The following SNX7 variants were observed in gnomAD, a reference collection of about 807,000 sequenced individuals.
SNX7 encodes sorting nexin 7.
SNX7 carries 35 observed loss-of-function variants against 48.4 expected under a neutral mutation model. The ratio of observed to expected loss-of-function variants is 0.72; its 90% confidence interval spans 0.55 to 0.96. The LOEUF (loss-of-function observed/expected upper bound fraction) is 0.96. Among genes scored for constraint, SNX7 ranks in the 40% least tolerant of loss-of-function variants. The pLI, the probability that SNX7 is intolerant of heterozygous loss-of-function variation, is 0.00. For missense variants in SNX7, 553 were observed against 548.9 expected, an observed-to-expected ratio of 1.01 and a Z score of -0.07; for synonymous variants, 190 against 190.2, an observed-to-expected ratio of 1.00 and a Z score of 0.01.
upstream of SNX7, chr1:98,661,567 C>G (rs568445436): frequency 2.1e-4 from 122 of 581,584 alleles, 4 homozygotes; most frequent in South Asian, 8.6e-3. Flanking sequence ...GGGATGCGCC[C>G]GGCCCGGGCC....
chr1:98,685,513 A>G (rs1650744615), intron 2 of SNX7, among the ~76,000 whole-genome samples: 1 of 152,136 alleles, frequency 6.6e-6, no homozygotes, highest in Non-Finnish European at 1.5e-5. Flanking sequence ...TGTATGAGAT[A>G]CTGTTATGTG....
At chr1:98,744,711 C>A (rs12732234) in intron 8 of SNX7, among the ~76,000 whole-genome samples, 40,676 of 151,770 alleles carry the variant, frequency 0.27, 5,757 homozygotes, top group Middle Eastern at 0.32. Context: ...TACAAATAAA[C>A]GTTAACTAAA....
In SNX7 at chr1:98,759,426, G is replaced by A. The variant is rs150825471; in HGVS notation, c.1279-628G>A. Reference sequence around the variant, plus strand: ...ACATTTATGTTTATGTGTTCCCAGCGCCTTCAGACCCTTACAATCCTGTTT... The same window carrying A: ...ACATTTATGTTTATGTGTTCCCAGCACCTTCAGACCCTTACAATCCTGTTT... On this transcript the variant is annotated intron_variant, in intron 8 of 8. Coordinates refer to ENST00000306121, the MANE Select transcript of SNX7 (RefSeq NM_015976.5). Among the ~76,000 whole-genome samples the A allele has an allele frequency of 7.5e-3, 1,137 of 152,054 alleles. 10 individuals are homozygous for A. The highest frequency in any genetic ancestry group is 0.02 in the Middle Eastern group (6 of 294).
chr1:98,732,038 G>A (rs1271455996), intron 7 of SNX7, among the ~76,000 whole-genome samples: 1 of 152,042 alleles, frequency 6.6e-6, no homozygotes, highest in Non-Finnish European at 1.5e-5. Context: ...TTAAGATGGG[G>A]TTACCGTTTC....
At position 98,708,038 on chromosome 1, in the gene SNX7, TG is replaced by T. The variant is rs1324632041; in HGVS notation, c.1125+6136del. On this transcript the variant is annotated intron_variant, in intron 7 of 8. Coordinates refer to ENST00000306121, the MANE Select transcript of SNX7 (RefSeq NM_015976.5). ...ATTTTGACATAGCAAGCCTTGCTTG[TG>T]ATCAGAGGTGAAGGTTGCTTCTTCC... Among the ~76,000 whole-genome samples, 4 of 152,298 alleles carry T rather than the reference TG, an allele frequency of 2.6e-5. No individual in the cohort carries two copies. In the East Asian group the frequency reaches 7.7e-4, roughly 29 times the overall value.
intron 1 of SNX7, among the ~76,000 whole-genome samples, chr1:98,671,889 TAA>T (rs1029258163): frequency 2.0e-4 from 31 of 152,320 alleles, no homozygotes; most frequent in African/African-American, 6.3e-4. Flanking sequence ...TATTTTTAGA[TAA>T]GTTTTTAAGA....
chr1:98,717,253 G>T (rs761584685), intron 7 of SNX7, among the ~76,000 whole-genome samples: 2 of 152,132 alleles, frequency 1.3e-5, no homozygotes, highest in Admixed American at 6.6e-5. Flanking sequence ...AATGTTCTGT[G>T]TGTATTGTTT....
intron 1 of SNX7, chr1:98,662,901 C>T: frequency 1.7e-6 from 2 of 1,188,788 alleles, no homozygotes; most frequent in South Asian, 1.3e-5. Flanking sequence ...ACTCTGACTC[C>T]AAAGAGGAGT....
intron 7 of SNX7, among the ~76,000 whole-genome samples, chr1:98,722,073 A>G (rs1652905418): frequency 6.6e-6 from 1 of 152,064 alleles, no homozygotes; most frequent in Non-Finnish European, 1.5e-5. Context: ...ACAAAAAATT[A>G]TAATCATGAT....
At chr1:98,721,734 C>G (rs774539340) in intron 7 of SNX7, among the ~76,000 whole-genome samples, 49 of 151,860 alleles carry the variant, frequency 3.2e-4, no homozygotes, top group Non-Finnish European at 5.2e-4. Context: ...TGATTTTTGG[C>G]TTTGAAATAA....
At chr1:98,732,173 A>G (rs769454024) in intron 7 of SNX7, among the ~76,000 whole-genome samples, 7 of 152,144 alleles carry the variant, frequency 4.6e-5, no homozygotes, top group East Asian at 3.9e-4. Context: ...AATATTTTCA[A>G]CTAACAGTGG....
rs528175069 is a variant in SNX7, at chr1:98,704,929, T to C, written c.1125+3026T>C. 2.6e-5 allele frequency among the ~76,000 whole-genome samples: 4 copies of C among 152,324 alleles called. No homozygotes were observed. The South Asian group carries it at 6.2e-4, about 24-fold the overall frequency. The stretch of plus-strand genomic sequence containing the variant: ...TTATTGGGTAGAAAGACAGCAGTTA[T>C]GTAACATTCCAGAGGACATTTGACT... On this transcript the variant is annotated intron_variant, in intron 7 of 8. Coordinates refer to ENST00000306121, the MANE Select transcript of SNX7 (RefSeq NM_015976.5).
At chr1:98,755,766 A>G (rs1654811534) in intron 8 of SNX7, among the ~76,000 whole-genome samples, 1 of 151,858 alleles carries the variant, frequency 6.6e-6, no homozygotes, top group Non-Finnish European at 1.5e-5. Flanking sequence ...GCCTGCCCAT[A>G]TATATATTTT....
chr1:98,730,646 G>C (rs532304590), intron 7 of SNX7, among the ~76,000 whole-genome samples: 1 of 151,770 alleles, frequency 6.6e-6, no homozygotes, highest in South Asian at 2.1e-4. Context: ...ATGAATTCCC[G>C]TTCACAGTTT....
chr1:98,674,664 A>G (rs533981368), intron 1 of SNX7, among the ~76,000 whole-genome samples: 9 of 152,368 alleles, frequency 5.9e-5, no homozygotes, highest in African/African-American at 2.2e-4. Flanking sequence ...AATGCTTATA[A>G]TAAACCCCGA....
In SNX7 at chr1:98,698,842, T is replaced by C. The variant is rs1651601322; in HGVS notation, c.975T>C (p.Ser325=). ...GTAAGGCCACTGAAAAGCGGATGTCTGGACTCTCAGAGGCCCTGCTTCCTG... is the reference window on the plus strand; with the variant it reads ...GTAAGGCCACTGAAAAGCGGATGTCCGGACTCTCAGAGGCCCTGCTTCCTG... ...RCCKATEKRM[S]GLSEALLPVV... The change falls in exon 6 of 9, where the codon TCT becomes TCC. Residue 325 remains serine, a synonymous_variant. Coordinates refer to ENST00000306121, the MANE Select transcript of SNX7 (RefSeq NM_015976.5). The C allele has an allele frequency of 3.1e-6, 5 of 1,613,880 alleles. No homozygotes were observed. Among genetic ancestry groups the C allele is most frequent in the Non-Finnish European group, 4.2e-6 (5 of 1,179,802 alleles).
rs1651413078 is a variant in SNX7, at chr1:98,695,609, A to C, written c.731A>C (p.Lys244Thr). The change falls in exon 5 of 9, where the codon AAA becomes ACA. Residue 244 changes from lysine to threonine, a missense_variant. Coordinates refer to ENST00000306121, the MANE Select transcript of SNX7 (RefSeq NM_015976.5). The part of the protein sequence containing the change: ...RAVASSMRGV[K>T]NRPEEFMEMN... ...GTTGCGTCCTCAATGAGAGGAGTTA[A>C]AAACCGCCCAGAGGAGTTCATGGAA... 1.9e-6 allele frequency: 3 copies of C among 1,614,058 alleles called. No individual in the cohort carries two copies. The highest frequency in any genetic ancestry group is 2.5e-6 in the Non-Finnish European group (3 of 1,180,020).
At chr1:98,667,908 GGAA>G (rs1024649549) in intron 1 of SNX7, among the ~76,000 whole-genome samples, 41 of 121,358 alleles carry the variant, frequency 3.4e-4, no homozygotes, top group Middle Eastern at 8.5e-3. Flanking sequence ...TTGATGATTA[GGAA>G]AAAAAAAACA....
intron 1 of SNX7, chr1:98,677,264 G>C (rs575330858): frequency 6.6e-6 from 1 of 152,266 alleles, no homozygotes; most frequent in South Asian, 2.1e-4. Flanking sequence ...ATAACATGTA[G>C]CCCTTCCTTT....
Sources: allele counts gnomAD v4.1 joint callset (sites outside exome capture counted in the v4.1 genomes callset), GRCh38; gene constraint gnomAD v4.1.1; transcripts MANE v1.5; gene names NCBI Gene and HGNC (gene_info 2026-07-23, HGNC 2026-07-21).